The following OTUD7A variants were observed in gnomAD, a reference collection of about 807,000 sequenced individuals.
OTUD7A encodes the protein OTU deubiquitinase 7A.
A neutral mutation model predicts 65.7 loss-of-function variants in OTUD7A; 12 were observed. The observed-to-expected ratio is 0.18, with a 90% confidence interval of 0.12 to 0.30. The LOEUF (loss-of-function observed/expected upper bound fraction) is 0.30. Ranked by LOEUF, OTUD7A falls within the 10% of genes least tolerant of loss-of-function variation. OTUD7A has a pLI of 1.00. For missense variants in OTUD7A, 1,148 were observed against 1,304.8 expected, an observed-to-expected ratio of 0.88 and a Z score of 1.85; for synonymous variants, 641 against 586.3, an observed-to-expected ratio of 1.09 and a Z score of -1.35.
At chr15:31,670,959 C>T (rs934723656) in intron 1 of OTUD7A, among the ~76,000 whole-genome samples, 1 of 151,772 alleles carries the variant, frequency 6.6e-6, no homozygotes, top group African/African-American at 2.4e-5. Flanking sequence ...TGCACCACTG[C>T]ACTCCAGCCT....
At chr15:31,615,023 T>C (rs367808123) in intron 3 of OTUD7A, among the ~76,000 whole-genome samples, 4 of 152,176 alleles carry the variant, frequency 2.6e-5, no homozygotes, top group South Asian at 4.1e-4. Context: ...AAGAAGCTAA[T>C]AGAATAGAAC....
At chr15:31,643,899 T>C (rs1344128884) in intron 3 of OTUD7A, among the ~76,000 whole-genome samples, 2 of 152,100 alleles carry the variant, frequency 1.3e-5, no homozygotes, top group African/African-American at 4.8e-5. Context: ...AGGAAATCAC[T>C]CCTCTTCTAA....
At chr15:31,832,171 G>A (rs1896949859) in intron 1 of OTUD7A, among the ~76,000 whole-genome samples, 1 of 152,186 alleles carries the variant, frequency 6.6e-6, no homozygotes, top group South Asian at 2.1e-4. Context: ...CTCCAAGCTT[G>A]ACCCAGAGGT....
chr15:31,788,821 G>T lies in OTUD7A; in HGVS notation c.-100+81686C>A, dbSNP rs569538187. Among the ~76,000 whole-genome samples, 3 of 152,328 alleles carry T rather than the reference G, an allele frequency of 2.0e-5. No homozygotes were observed. In the East Asian group the frequency reaches 5.8e-4, roughly 29 times the overall value. The stretch of plus-strand genomic sequence containing the variant: ...AGTAGATACTTCAGAGCTCTTTGTA[G>T]TTTAGAAAGAGCTTACTCATATAAT... On this transcript the variant is annotated intron_variant, in intron 1 of 12. Transcript: ENST00000307050.
intron 1 of OTUD7A, among the ~76,000 whole-genome samples, chr15:31,745,564 T>C (rs186080845): frequency 2.2e-4 from 33 of 152,250 alleles, no homozygotes; most frequent in Admixed American, 1.1e-3. Flanking sequence ...AACTAAACAT[T>C]AAACCTACAA....
intron 1 of OTUD7A, among the ~76,000 whole-genome samples, chr15:31,749,129 C>A (rs995839072): frequency 4.5e-5 from 5 of 110,696 alleles, no homozygotes; most frequent in African/African-American, 1.5e-4. Context: ...CACACCGGGG[C>A]CTGTTGTGGG....
chr15:31,575,098 C>A (rs536952256), intron 3 of OTUD7A, among the ~76,000 whole-genome samples: 1 of 152,264 alleles, frequency 6.6e-6, no homozygotes, highest in Non-Finnish European at 1.5e-5. Flanking sequence ...GAAAAGGAGT[C>A]AAACTGTTTT....
At chr15:31,822,665 A>C (rs1896711843) in intron 1 of OTUD7A, among the ~76,000 whole-genome samples, 2 of 152,232 alleles carry the variant, frequency 1.3e-5, no homozygotes. Flanking sequence ...AGCACACTGC[A>C]AGTGTCAGTT....
intron 1 of OTUD7A, among the ~76,000 whole-genome samples, chr15:31,823,309 G>A (rs550590844): frequency 6.6e-6 from 1 of 152,320 alleles, no homozygotes; most frequent in South Asian, 2.1e-4. Flanking sequence ...AGGAGGATGA[G>A]TGTCTTTGCT....
intron 1 of OTUD7A, among the ~76,000 whole-genome samples, chr15:31,860,398 T>G (rs1296634809): frequency 6.6e-6 from 1 of 151,968 alleles, no homozygotes; most frequent in Non-Finnish European, 1.5e-5. Context: ...GAAAAAATGA[T>G]TAAATTTCTA....
intron 3 of OTUD7A, among the ~76,000 whole-genome samples, chr15:31,646,627 A>G (rs1203388894): frequency 6.6e-6 from 1 of 151,828 alleles, no homozygotes; most frequent in Non-Finnish European, 1.5e-5. Context: ...CGCCTGGCTA[A>G]TTTTTGTATT....
rs1354921656 is a variant in OTUD7A at position 31,803,334 on chromosome 15, A to T, written c.-100+67173T>A. Among the ~76,000 whole-genome samples, 2 of 152,244 alleles carry T rather than the reference A, an allele frequency of 1.3e-5. 1 individual carries two copies. The highest frequency in any genetic ancestry group is 2.9e-5 in the Non-Finnish European group (2 of 68,040). ...TTAAAAAAAAGTTATTTGCTAAAAT[A>T]TCATCTTTCCCTTCATTTCTTACCT... On this transcript the variant is annotated intron_variant, in intron 1 of 12. Transcript: ENST00000307050.
At chr15:31,846,266 G>A (rs1017487739) in intron 1 of OTUD7A, among the ~76,000 whole-genome samples, 2 of 152,206 alleles carry the variant, frequency 1.3e-5, no homozygotes. Context: ...CCACCAGATG[G>A]GTAAGTTGGC....
intron 1 of OTUD7A, among the ~76,000 whole-genome samples, chr15:31,709,740 GC>G (rs1339150817): frequency 1.3e-5 from 2 of 151,984 alleles, no homozygotes; most frequent in Non-Finnish European, 2.9e-5. Context: ...ATGCAGGCCT[GC>G]TGCCCATGAA....
intron 3 of OTUD7A, among the ~76,000 whole-genome samples, chr15:31,626,357 CAAAG>C (rs1221823023): frequency 6.6e-6 from 1 of 151,948 alleles, no homozygotes; most frequent in African/African-American, 2.4e-5. Context: ...ATATATGTGA[CAAAG>C]AAAGTAGGGT....
chr15:31,603,846 C>G (rs554084511), intron 3 of OTUD7A, among the ~76,000 whole-genome samples: 1 of 152,266 alleles, frequency 6.6e-6, no homozygotes, highest in East Asian at 1.9e-4. Flanking sequence ...TGAAAAAAAG[C>G]TCATCATCAC....
intron 3 of OTUD7A, among the ~76,000 whole-genome samples, chr15:31,597,242 G>C (rs1447084749): frequency 2.0e-5 from 3 of 152,212 alleles, no homozygotes; most frequent in South Asian, 2.1e-4. Context: ...TATTTTAAGT[G>C]TCTTTTGATG....
chr15:31,676,136 C>T (rs956381007), intron 1 of OTUD7A, among the ~76,000 whole-genome samples: 1 of 152,196 alleles, frequency 6.6e-6, no homozygotes, highest in African/African-American at 2.4e-5. Flanking sequence ...TACACAGGAA[C>T]AGACAGAGAC....
At chr15:31,547,128 A>T (rs1269604726) in intron 5 of OTUD7A, among the ~76,000 whole-genome samples, 1 of 113,358 alleles carries the variant, frequency 8.8e-6, no homozygotes, top group Non-Finnish European at 2.2e-5. Context: ...CTGAGATGAC[A>T]TTTTGAAGGC....
Sources: gnomAD v4.1 joint callset for allele counts (sites outside exome capture counted in the v4.1 genomes callset) on GRCh38, gnomAD v4.1.1 for gene constraint, MANE v1.5 for transcripts, NCBI Gene and HGNC (gene_info 2026-07-23, HGNC 2026-07-21) for gene names.